The following EN1 variants were observed in gnomAD, a reference collection of about 807,000 sequenced individuals.
EN1 encodes the protein engrailed homeobox 1, also known as homeobox protein engrailed-1.
In EN1, 8 loss-of-function variants were observed where a neutral mutation model predicts 22.9. That is an observed-to-expected ratio of 0.35 (90% confidence interval 0.20 to 0.63). EN1 has a LOEUF of 0.63. EN1 is among the 20% of genes least tolerant of loss of function. EN1 has a pLI of 0.73. For missense variants in EN1, 521 were observed against 572.1 expected, an observed-to-expected ratio of 0.91 and a Z score of 0.91; for synonymous variants, 287 against 262.5, an observed-to-expected ratio of 1.09 and a Z score of -0.90.
In EN1 at chr2:118,842,356, T is replaced by C. The variant is rs1046391989; in HGVS notation, c.*582A>G. 6.7e-6 allele frequency: 1 copy of C among 150,336 alleles called. No individual in the cohort carries two copies. Among genetic ancestry groups the C allele is most frequent in the African/African-American group, 2.5e-5 (1 of 40,474 alleles). The allele number at this position is 150,336 out of a possible 1,614,324, so 9.3% of individuals were successfully genotyped here. On this transcript the variant is annotated 3_prime_UTR_variant, in exon 2 of 2. Transcript: ENST00000295206. ...GACCCGGGAGGTGGGGGAGAAGAGG[T>C]GGGCAGACACGAAAGGAAACACACT...
intron 1 of EN1, among the ~76,000 whole-genome samples, chr2:118,845,801 T>C (rs1204765008): frequency 1.3e-5 from 2 of 152,222 alleles, no homozygotes; most frequent in Non-Finnish European, 2.9e-5. Context: ...TGTTTATCAA[T>C]GTAAACGGTC....
chr2:118,846,491 C>T lies in EN1; in HGVS notation c.677G>A (p.Gly226Asp). The change falls in exon 1 of 2, where the codon GGC (glycine) becomes GAC (aspartate). Residue 226 changes from glycine to aspartate, a missense_variant. Physicochemically the swap from Gly to Asp is moderately conservative, Grantham distance 94. Around this residue, in one of 3 missense-constraint regions of EN1, gnomAD observed 436 missense variants for 410.1 expected, o/e 1.06. Transcript: ENST00000295206. The surrounding 1 kb of genome is among the most constrained non-coding windows in gnomAD (Gnocchi z 5.0). ...GCTCCCCGCGCCGCCTCCACTGCCG[C>T]CGCCACCGGTGTCCGAGGGCTTGGC... is the stretch of plus-strand genomic sequence containing the variant. ...AAAKPSDTGG[G>D]GSGGGAGSPG... The T allele has an allele frequency of 1.3e-6, 2 of 1,578,814 alleles. No homozygotes were observed. The highest frequency in any genetic ancestry group is 1.7e-6 in the Non-Finnish European group (2 of 1,165,180).
intron 1 of EN1, 81 bp from the exon 2 acceptor site, chr2:118,843,335 G>A (rs984488221): frequency 8.4e-7 from 1 of 1,185,216 alleles, no homozygotes. Flanking sequence ...AAAGGAAGCC[G>A]TGAGAATAGC....
Position 118,843,074 on chromosome 2 carries a change from T to C in EN1, c.1043A>G (p.Lys348Arg). ...QELSLNESQI[K>R]IWFQNKRAKI... ...GGCGCGCTTGTTCTGGAACCAGATC[T>C]TGATCTGGGACTCGTTGAGGCTGAG... Residue 348 changes from lysine (K) to arginine (R), a missense_variant, in exon 2 of 2, where the codon AAG (lysine) becomes AGG (arginine). By Grantham distance (26) the Lys-to-Arg change is conservative. This residue lies in a region of EN1 where 50 missense variants were observed against 121.8 expected (regional missense o/e 0.41). Transcript: ENST00000295206. 6.2e-7 allele frequency: 1 copy of C among 1,614,186 alleles called. No individual in the cohort carries two copies. Among genetic ancestry groups the C allele is most frequent in the Non-Finnish European group, 8.5e-7 (1 of 1,180,028 alleles).
chr2:118,844,890 C>T (rs1193170271), intron 1 of EN1, among the ~76,000 whole-genome samples: 1 of 152,250 alleles, frequency 6.6e-6, no homozygotes, highest in African/African-American at 2.4e-5. Context: ...CAGAGCAGAA[C>T]TGGGGTTTTG....
Position 118,846,445 on chromosome 2 carries a change from T to G in EN1, c.723A>C (p.Lys241Asn). Residue 241 changes from lysine to asparagine, a missense_variant, in exon 1 of 2, where the codon AAA becomes AAC. Physicochemically the swap from Lys to Asn is moderately conservative, Grantham distance 94. Coordinates refer to ENST00000295206, the MANE Select transcript of EN1 (RefSeq NM_001426.4). The surrounding 1 kb of genome is among the most constrained non-coding windows in gnomAD (Gnocchi z 5.0). ...TAGCCGGGTTGCCGTGCTCCGGGTATTTGGTGCCCTGCGCTCCGGGGCTCC... is the reference window on the plus strand; with the variant it reads ...TAGCCGGGTTGCCGTGCTCCGGGTAGTTGGTGCCCTGCGCTCCGGGGCTCC... Reference protein sequence around the residue: ...GAGSPGAQGTKYPEHGNPAIL... With the variant: ...GAGSPGAQGTNYPEHGNPAIL... The G allele has an allele frequency of 6.2e-7, 1 of 1,612,120 alleles. No homozygotes were observed. The highest frequency in any genetic ancestry group is 8.5e-7 in the Non-Finnish European group (1 of 1,179,532).
In EN1 at chr2:118,842,174, T is replaced by C. The variant is rs1678198189; in HGVS notation, c.*764A>G. 2 of 152,710 alleles carry C rather than the reference T, an allele frequency of 1.3e-5. No individual in the cohort carries two copies. Among genetic ancestry groups the C allele is most frequent in the Non-Finnish European group, 2.9e-5 (2 of 68,062 alleles). The allele number at this position is 152,710 out of a possible 1,614,324, so 9.5% of individuals were successfully genotyped here. ...CAAACAGGAGAGCCGCCAGCGCTCG[T>C]GAGCACAGTGTACACTTTATTTCAG... On this transcript the variant is annotated 3_prime_UTR_variant, in exon 2 of 2. Coordinates refer to ENST00000295206, the MANE Select transcript of EN1 (RefSeq NM_001426.4).
intron 1 of EN1, among the ~76,000 whole-genome samples, chr2:118,844,717 T>C (rs925940683): frequency 2.0e-5 from 3 of 152,190 alleles, no homozygotes; most frequent in South Asian, 4.1e-4. Flanking sequence ...TAACCAGCTG[T>C]CCTATGACAA....
Position 118,847,120 on chromosome 2 carries a change from G to C in EN1, c.48C>G (p.Leu16=), listed in dbSNP as rs1427851072. The change falls in exon 1 of 2, where the codon CTC becomes CTG. Residue 16 remains leucine, a synonymous_variant. Coordinates refer to ENST00000295206, the MANE Select transcript of EN1 (RefSeq NM_001426.4). The stretch of plus-strand genomic sequence containing the variant: ...CCGGAGTCGCCGCCGCCGCCGCGCC[G>C]AGGGCCGAGTCGCGCTGACTTTTAG... ...PEPKSQRDSA[L]GAAAAATPGG... 1 of 1,351,164 alleles carries C rather than the reference G, an allele frequency of 7.4e-7. No individual in the cohort carries two copies. The highest frequency in any genetic ancestry group is 9.8e-7 in the Non-Finnish European group (1 of 1,023,504). The allele number at this position is 1,351,164 out of a possible 1,614,324, so 83.7% of individuals were successfully genotyped here.
rs180695746 is a variant in EN1 at position 118,842,597 on chromosome 2, T to A, written c.*341A>T. 100 of 175,376 alleles carry A rather than the reference T, an allele frequency of 5.7e-4. 1 individual carries two copies. Among genetic ancestry groups the A allele is most frequent in the African/African-American group, 2.3e-3 (96 of 42,198 alleles). 10.9% of individuals were successfully genotyped at this position (175,376 alleles called of 1,614,324 possible). On this transcript the variant is annotated 3_prime_UTR_variant, in exon 2 of 2. Coordinates refer to ENST00000295206, the MANE Select transcript of EN1 (RefSeq NM_001426.4). Reference sequence around the variant, plus strand: ...AATAAAAATGTCCAGCAAATAGAGATCGCTACACGTATGTGTTTTCCTTAC... The same window carrying A: ...AATAAAAATGTCCAGCAAATAGAGAACGCTACACGTATGTGTTTTCCTTAC...
At chr2:118,844,954 A>G (rs934903855) in intron 1 of EN1, among the ~76,000 whole-genome samples, 2 of 152,228 alleles carry the variant, frequency 1.3e-5, no homozygotes, top group African/African-American at 4.8e-5. Context: ...CACAGCCCCA[A>G]AAAGGCCCCA....
chr2:118,843,373 G>T (rs1678222163), intron 1 of EN1, 119 bp from the exon 2 acceptor site: 2 of 894,820 alleles, frequency 2.2e-6, no homozygotes, highest in Non-Finnish European at 3.3e-6. Flanking sequence ...CGAGCCCCGC[G>T]CTTCCGGGGC....
chr2:118,843,135 T>C lies in EN1; in HGVS notation c.982A>G (p.Ile328Val). ...AGGGTCTGCCGCCGCTGCTCCGTGA[T>C]GTAGCGGTTTGCCTGGAACTCCGCC... ...LKAEFQANRY[I>V]TEQRRQTLAQ... Residue 328 changes from isoleucine to valine, a missense_variant, in exon 2 of 2, where the codon ATC becomes GTC. Around this residue, in one of 3 missense-constraint regions of EN1, gnomAD observed 50 missense variants for 121.8 expected, o/e 0.41. Transcript: ENST00000295206. 1.9e-6 allele frequency: 3 copies of C among 1,613,548 alleles called. No homozygotes were observed. Among genetic ancestry groups the C allele is most frequent in the Non-Finnish European group, 2.5e-6 (3 of 1,179,808 alleles).
In EN1 at chr2:118,846,941, G is replaced by T. The variant is rs771503290; in HGVS notation, c.227C>A (p.Pro76Gln). The T allele has an allele frequency of 8.8e-6, 13 of 1,478,104 alleles. No individual in the cohort carries two copies. Among genetic ancestry groups the T allele is most frequent in the East Asian group, 5.8e-5 (2 of 34,724 alleles). The allele number at this position is 1,478,104 out of a possible 1,614,324, so 91.6% of individuals were successfully genotyped here. A position where few individuals can be genotyped will look rare whatever the true frequency, so the allele number is the denominator to read the frequency against. Reference sequence around the variant, plus strand: ...CTGAGGCGGCGGGGGCGGGGGGTGTGGGGGGAGGTGCGGGTGGTGGGCCAG... The same window carrying T: ...CTGAGGCGGCGGGGGCGGGGGGTGTTGGGGGAGGTGCGGGTGGTGGGCCAG... The part of the protein sequence containing the change: ...PPLAHHPHLP[P>Q]HPPPPPPQHL... Residue 76 changes from proline to glutamine, a missense_variant, in exon 1 of 2, where the codon CCA becomes CAA. Physicochemically the swap from Pro to Gln is moderately conservative, Grantham distance 76 (BLOSUM62 -1). Transcript: ENST00000295206. The surrounding 1 kb of genome is among the most constrained non-coding windows in gnomAD (Gnocchi z 5.0).
intron 1 of EN1, among the ~76,000 whole-genome samples, chr2:118,845,464 G>A (rs949677394): frequency 1.3e-5 from 2 of 152,220 alleles, no homozygotes; most frequent in Non-Finnish European, 2.9e-5. Context: ...GAGAAAAACA[G>A]GCCTACGGAT....
Position 118,847,279 on chromosome 2 carries a change from G to T in EN1, c.-112C>A. On this transcript the variant is annotated 5_prime_UTR_variant, in exon 1 of 2. Transcript: ENST00000295206. Reference sequence around the variant, plus strand: ...GGGTGCGCGGAGGAAGGAGGCAGGCGAAGCCTCAGCGAAGGCACGGGGCGG... The same window carrying T: ...GGGTGCGCGGAGGAAGGAGGCAGGCTAAGCCTCAGCGAAGGCACGGGGCGG... 1 of 420,686 alleles carries T rather than the reference G, an allele frequency of 2.4e-6. No homozygotes were observed. Among genetic ancestry groups the T allele is most frequent in the Non-Finnish European group, 4.1e-6 (1 of 242,886 alleles). 26.1% of individuals were successfully genotyped at this position (420,686 alleles called of 1,614,324 possible). A position where few individuals can be genotyped will look rare whatever the true frequency, so the allele number is the denominator to read the frequency against.
In EN1 at chr2:118,847,198, G is replaced by A. The variant is rs1438039193; in HGVS notation, c.-31C>T. The stretch of plus-strand genomic sequence containing the variant: ...GCCGCCCCGCCGCCCCGGCCGCCGC[G>A]CCGGCCCCCGCCCCCACCGCCTCGC... On this transcript the variant is annotated 5_prime_UTR_variant, in exon 1 of 2. Transcript: ENST00000295206. The A allele has an allele frequency of 3.1e-6, 2 of 651,712 alleles. No homozygotes were observed. The highest frequency in any genetic ancestry group is 1.9e-5 in the African/African-American group (1 of 51,536). The allele number at this position is 651,712 out of a possible 1,614,324, so 40.4% of individuals were successfully genotyped here. A position where few individuals can be genotyped will look rare whatever the true frequency, so the allele number is the denominator to read the frequency against.
At chr2:118,843,528 T>G (rs1018681671) in intron 1 of EN1, among the ~76,000 whole-genome samples, 6 of 152,016 alleles carry the variant, frequency 3.9e-5, no homozygotes, top group African/African-American at 1.4e-4. Flanking sequence ...AGGTTGTAGG[T>G]GCACCCCACA....
chr2:118,843,196 C>T lies in EN1; in HGVS notation c.921G>A (p.Arg307=). ...GCAGCTGCTCGGCCGTGAACGCGGT[C>T]CGCGGCCGCTTGTCCTCCTTCTCGT... ...KKNEKEDKRP[R]TAFTAEQLQR... Residue 307 remains arginine, a synonymous_variant, in exon 2 of 2, where the codon CGG becomes CGA. Coordinates refer to ENST00000295206, the MANE Select transcript of EN1 (RefSeq NM_001426.4). The T allele has an allele frequency of 6.3e-7, 1 of 1,593,506 alleles. No homozygotes were observed. Among genetic ancestry groups the T allele is most frequent in the South Asian group, 1.1e-5 (1 of 88,582 alleles).
Sources: allele counts gnomAD v4.1 joint callset (sites outside exome capture counted in the v4.1 genomes callset), GRCh38; gene constraint gnomAD v4.1.1; regional missense constraint gnomAD v4.1.1; non-coding constraint Gnocchi (gnomAD v3.1); transcripts MANE v1.5; gene names NCBI Gene and HGNC (gene_info 2026-07-23, HGNC 2026-07-21).